Variants in CYRIB observed in about 807,000 individuals in gnomAD.
CYRIB encodes the protein CYFIP related Rac1 interactor B.
A neutral mutation model predicts 44.2 loss-of-function variants in CYRIB; 8 were observed. The observed-to-expected ratio is 0.18, with a 90% CI of 0.11 to 0.33. CYRIB has a LOEUF of 0.33. CYRIB is among the 10% of genes least tolerant of loss of function. The pLI is 1.00. For missense variants in CYRIB, 185 were observed against 382.8 expected, an observed-to-expected ratio of 0.48 and a Z score of 4.31; for synonymous variants, 131 against 127.2, an observed-to-expected ratio of 1.03 and a Z score of -0.20.
rs1226566731 is a variant in CYRIB, at chr8:129,850,741, TA to T, written c.713+93del. The T allele has an allele frequency of 3.5e-6, 3 of 869,284 alleles. No homozygotes were observed. In the East Asian group the frequency reaches 7.4e-5, roughly 21 times the overall value. The allele number at this position is 869,284 out of a possible 1,614,324, so 53.8% of individuals were successfully genotyped here. On this transcript the variant is annotated intron_variant, in intron 9 of 11. Coordinates refer to ENST00000519824, the Ensembl canonical transcript of CYRIB. ...ATATACTTACTTTCCACCTTCCAGA[TA>T]AAACATGTTAACATGTTCATATATG...
chr8:129,876,880 G>A (rs1252741045), intron 3 of CYRIB, among the ~76,000 whole-genome samples: 2 of 152,192 alleles, frequency 1.3e-5, no homozygotes, highest in African/African-American at 4.8e-5. Flanking sequence ...AAACAATGTA[G>A]TACTAATTAC....
chr8:130,003,152 G>C (rs552113217), intron 1 of CYRIB, among the ~76,000 whole-genome samples: 1 of 152,308 alleles, frequency 6.6e-6, no homozygotes, highest in South Asian at 2.1e-4. Context: ...GAACCCTGGA[G>C]GTCAAGGCTG....
chr8:129,854,475 TG>T (rs2045061469), intron 6 of CYRIB, 132 bp from the exon 9 acceptor site: 1 of 624,402 alleles, frequency 1.6e-6, no homozygotes, highest in Non-Finnish European at 2.7e-6. Context: ...GAACTAGCAC[TG>T]GTATAATCCA....
chr8:129,878,414 C>T (rs2059855669), intron 3 of CYRIB, among the ~76,000 whole-genome samples: 1 of 152,160 alleles, frequency 6.6e-6, no homozygotes, highest in South Asian at 2.1e-4. Context: ...AAGGCAGTGA[C>T]TTTCTGGGGT....
intron 1 of CYRIB, chr8:129,912,375 C>G (rs2078470876): frequency 6.6e-6 from 1 of 152,106 alleles, no homozygotes; most frequent in Non-Finnish European, 1.5e-5. Context: ...TCACCACTCC[C>G]CCAGTACCAC....
At chr8:129,963,782 A>T (rs2095367989) in intron 2 of CYRIB, among the ~76,000 whole-genome samples, 1 of 152,252 alleles carries the variant, frequency 6.6e-6, no homozygotes, top group Admixed American at 6.5e-5. Flanking sequence ...TGCTAAGGTC[A>T]AATAACTCTC....
rs144035241 is a variant in CYRIB, at chr8:129,909,757, A to G, written c.-49-6407T>C. On this transcript the variant is annotated intron_variant, in intron 1 of 11. Transcript: ENST00000519824. The stretch of plus-strand genomic sequence containing the variant: ...ATTACACAACCTCAACAACTACACA[A>G]TATAGCTCTGCCTGGGTTGGGGTTT... Among the ~76,000 whole-genome samples the G allele has an allele frequency of 8.6e-4, 131 of 152,296 alleles. No homozygotes were observed. The Middle Eastern group carries it at 0.017, about 20-fold the overall frequency.
chr8:129,849,052 A>G (rs966281312), intron 10 of CYRIB, among the ~76,000 whole-genome samples, 191 bp downstream of exon 12: 5 of 152,156 alleles, frequency 3.3e-5, no homozygotes, highest in Non-Finnish European at 5.9e-5. Flanking sequence ...TCCTTTGATC[A>G]TTCTATTCCA....
intron 1 of CYRIB, among the ~76,000 whole-genome samples, chr8:129,914,687 T>C (rs2079798996): frequency 6.6e-6 from 1 of 152,236 alleles, no homozygotes; most frequent in Non-Finnish European, 1.5e-5. Flanking sequence ...TACTGTTTTA[T>C]CCATTTCCCT....
chr8:129,908,670 T>C (rs2076632337), intron 1 of CYRIB, among the ~76,000 whole-genome samples: 1 of 152,078 alleles, frequency 6.6e-6, no homozygotes, highest in Non-Finnish European at 1.5e-5. Flanking sequence ...AAATCTCAAG[T>C]ACAGTACTCT....
exon 8 of CYRIB, chr8:129,852,177 T>C (rs1227223680): frequency 6.4e-7 from 1 of 1,550,954 alleles, no homozygotes; most frequent in Non-Finnish European, 8.7e-7. Context: ...ATACAAATTT[T>C]GTTGTGGCAT....
At chr8:129,983,927 G>C (rs2096353858) in intron 1 of CYRIB, among the ~76,000 whole-genome samples, 1 of 152,226 alleles carries the variant, frequency 6.6e-6, no homozygotes, top group Admixed American at 6.5e-5. Flanking sequence ...GGCAGGAACC[G>C]GCAGCAGGTC....
intron 1 of CYRIB, among the ~76,000 whole-genome samples, chr8:129,980,559 G>A (rs1397440773): frequency 1.3e-5 from 2 of 151,918 alleles, no homozygotes; most frequent in Non-Finnish European, 2.9e-5. Flanking sequence ...AGGTACTCGG[G>A]AGGCTGAGGC....
At position 129,870,207 on chromosome 8, in the gene CYRIB, G is replaced by C. The variant is rs142838347; in HGVS notation, c.195+1168C>G. On this transcript the variant is annotated intron_variant, in intron 4 of 11. Transcript: ENST00000519824. ...GTTGGGGCGGGGCGGGGGATCACTT[G>C]AGGCCAGGAGTTCAAGACCAGCCTC... Among the ~76,000 whole-genome samples, 1,248 of 152,262 alleles carry C rather than the reference G, an allele frequency of 8.2e-3. 19 individuals carry two copies. The highest frequency in any genetic ancestry group is 0.029 in the African/African-American group (1,203 of 41,536).
intron 1 of CYRIB, among the ~76,000 whole-genome samples, chr8:130,001,060 A>G (rs1459535423): frequency 1.3e-5 from 2 of 152,152 alleles, no homozygotes; most frequent in African/African-American, 2.4e-5. Flanking sequence ...CTTCCAAAAC[A>G]CAGGCAAAGA....
chr8:130,014,863 A>C (rs2097305318), intron 1 of CYRIB, among the ~76,000 whole-genome samples: 1 of 152,128 alleles, frequency 6.6e-6, no homozygotes, highest in Non-Finnish European at 1.5e-5. Context: ...ACCAAGGTAG[A>C]AAAGTCACCT....
intron 2 of CYRIB, among the ~76,000 whole-genome samples, chr8:129,953,295 T>C (rs2094598679): frequency 6.6e-6 from 1 of 152,182 alleles, no homozygotes; most frequent in African/African-American, 2.4e-5. Flanking sequence ...AGGGAAGGAC[T>C]TGTCCTGCAC....
intron 1 of CYRIB, among the ~76,000 whole-genome samples, chr8:129,909,831 C>A (rs1227503489): frequency 1.3e-5 from 2 of 152,232 alleles, no homozygotes; most frequent in Non-Finnish European, 2.9e-5. Flanking sequence ...CATGCCCCTG[C>A]ACACAAGGGT....
intron 1 of CYRIB, among the ~76,000 whole-genome samples, chr8:129,910,363 G>T (rs2077312046): frequency 1.3e-5 from 2 of 151,930 alleles, no homozygotes; most frequent in African/African-American, 2.4e-5. Flanking sequence ...ATACATCAAG[G>T]TCTTTATACC....
Sources: allele counts gnomAD v4.1 joint callset (sites outside exome capture counted in the v4.1 genomes callset), GRCh38; gene constraint gnomAD v4.1.1; transcripts MANE v1.5; gene names NCBI Gene and HGNC (gene_info 2026-07-23, HGNC 2026-07-21).